The following GRIK2 variants were observed in gnomAD, a reference collection of about 807,000 sequenced individuals.
GRIK2 encodes the protein glutamate ionotropic receptor kainate type subunit 2.
Under a neutral mutation model 100.3 loss-of-function variants are expected in GRIK2, and 32 were observed. The ratio of observed to expected loss-of-function variants is 0.32; its 90% CI spans 0.24 to 0.43. The LOEUF (loss-of-function observed/expected upper bound fraction) is 0.43. Ranked by LOEUF, GRIK2 falls within the 20% of genes least tolerant of loss-of-function variation. The pLI, the probability that GRIK2 is intolerant of heterozygous loss-of-function variation, is 1.00. For synonymous variants in GRIK2, 417 were observed against 389.4 expected (o/e 1.07, Z -0.83); for missense variants, 843 against 1,114.9 (o/e 0.76, Z 3.47).
chr6:101,900,917 T>C (rs891525397), intron 12 of GRIK2, among the ~76,000 whole-genome samples: 4 of 151,830 alleles, frequency 2.6e-5, no homozygotes, highest in African/African-American at 9.7e-5. Context: ...TTTTTTTTTT[T>C]CTTAAAAAAA....
chr6:101,686,321 C>A lies in GRIK2; in HGVS notation c.919C>A (p.Pro307Thr). ...SMERLQAPPK[P>T]DSGLLDGFMT... ...GGAACGATTGCAGGCACCTCCGAAA[C>A]CCGATTCAGGTTTGCTGGATGGATT... is the stretch of plus-strand genomic sequence containing the variant. The change falls in exon 7 of 17, where the codon CCC becomes ACC. Residue 307 changes from proline (P) to threonine (T), a missense_variant. Coordinates refer to ENST00000369134, the MANE Select transcript of GRIK2 (RefSeq NM_021956.5). The A allele has an allele frequency of 1.2e-6, 2 of 1,613,466 alleles. No homozygotes were observed. Among genetic ancestry groups the A allele is most frequent in the South Asian group, 2.2e-5 (2 of 91,062 alleles).
At chr6:102,023,013 G>T (rs1769512045) in intron 14 of GRIK2, among the ~76,000 whole-genome samples, 1 of 151,470 alleles carries the variant, frequency 6.6e-6, no homozygotes, top group Non-Finnish European at 1.5e-5. Context: ...GATGTGAGAA[G>T]TTGTTAGAGT....
chr6:101,673,128 A>C (rs146456188), intron 4 of GRIK2, among the ~76,000 whole-genome samples: 177 of 152,282 alleles, frequency 1.2e-3, no homozygotes, highest in Non-Finnish European at 1.9e-3. Context: ...CAAAGGTCTC[A>C]TTTCCAGAAT....
intron 15 of GRIK2, among the ~76,000 whole-genome samples, chr6:102,036,139 A>C (rs1770255338): frequency 2.0e-5 from 3 of 151,234 alleles, no homozygotes. Flanking sequence ...CAAATGAGAT[A>C]ATGAATTGTA....
chr6:101,911,402 T>G (rs77218929), intron 12 of GRIK2, among the ~76,000 whole-genome samples: 7,956 of 151,588 alleles, frequency 0.052, 280 homozygotes, highest in Admixed American at 0.12. Context: ...TATTTATAGT[T>G]TTATAAAATT....
intron 2 of GRIK2, among the ~76,000 whole-genome samples, chr6:101,528,589 T>C (rs767764010): frequency 7.2e-5 from 11 of 152,116 alleles, no homozygotes; most frequent in Non-Finnish European, 1.2e-4. Context: ...TCCATAAGGA[T>C]GGGAACAAAC....
chr6:101,724,568 A>G (rs9377294), intron 7 of GRIK2, among the ~76,000 whole-genome samples: 39,317 of 151,714 alleles, frequency 0.26, 5,610 homozygotes, highest in East Asian at 0.51. Context: ...TGTACATGTA[A>G]CACATTTTGT....
chr6:101,806,534 C>A (rs2128416548), intron 9 of GRIK2, among the ~76,000 whole-genome samples: 1 of 151,912 alleles, frequency 6.6e-6, no homozygotes, highest in African/African-American at 2.4e-5. Context: ...TTCATAGATT[C>A]TCATTGTGTT....
intron 11 of GRIK2, among the ~76,000 whole-genome samples, chr6:101,888,635 A>G (rs1056577829): frequency 2.6e-5 from 4 of 152,160 alleles, no homozygotes; most frequent in South Asian, 2.1e-4. Context: ...AAAAACACAC[A>G]CAGAGAATAA....
intron 2 of GRIK2, among the ~76,000 whole-genome samples, chr6:101,461,369 T>G (rs1771298929): frequency 6.6e-6 from 1 of 152,202 alleles, no homozygotes; most frequent in Non-Finnish European, 1.5e-5. Flanking sequence ...TGGCATTCTG[T>G]TCATCGTGGT....
At chr6:102,035,774 C>T (rs562716222) in intron 15 of GRIK2, among the ~76,000 whole-genome samples, 47 of 151,482 alleles carry the variant, frequency 3.1e-4, no homozygotes, top group African/African-American at 1.1e-3. Context: ...TAATTTCTAT[C>T]AAAATGGTCA....
chr6:101,437,811 C>T (rs1329736477), intron 2 of GRIK2, among the ~76,000 whole-genome samples: 1 of 152,070 alleles, frequency 6.6e-6, no homozygotes, highest in Non-Finnish European at 1.5e-5. Context: ...AAATGACACA[C>T]AAATCATTCT....
intron 14 of GRIK2, among the ~76,000 whole-genome samples, chr6:102,002,069 G>T (rs1455155346): frequency 6.6e-6 from 1 of 151,136 alleles, no homozygotes; most frequent in Admixed American, 6.6e-5. Flanking sequence ...TCTCCTTCAG[G>T]TTTTGTCTAA....
intron 7 of GRIK2, among the ~76,000 whole-genome samples, chr6:101,774,382 T>TAA (rs1181246171): frequency 2.0e-5 from 3 of 152,192 alleles, no homozygotes; most frequent in African/African-American, 7.2e-5. Context: ...GTGCAAAGAA[T>TAA]ACTTCCCCTT....
At chr6:101,559,081 T>C (rs1485065150) in intron 2 of GRIK2, among the ~76,000 whole-genome samples, 1 of 152,262 alleles carries the variant, frequency 6.6e-6, no homozygotes, top group Admixed American at 6.5e-5. Flanking sequence ...TCTCTTAAAA[T>C]ACTTGCTGTG....
chr6:101,848,234 T>C (rs1458786028), intron 10 of GRIK2, among the ~76,000 whole-genome samples: 1 of 152,186 alleles, frequency 6.6e-6, no homozygotes, highest in South Asian at 2.1e-4. Context: ...CTGTAGTTTT[T>C]CCCTTCACTA....
chr6:101,747,922 A>G (rs531733119), intron 7 of GRIK2, among the ~76,000 whole-genome samples: 1 of 152,288 alleles, frequency 6.6e-6, no homozygotes, highest in South Asian at 2.1e-4. Flanking sequence ...GCCGTGTGCT[A>G]TAGAGGCCAA....
intron 7 of GRIK2, among the ~76,000 whole-genome samples, chr6:101,726,204 C>T (rs1296355878): frequency 6.6e-6 from 1 of 151,760 alleles, no homozygotes; most frequent in Non-Finnish European, 1.5e-5. Flanking sequence ...AAACAGTGTC[C>T]AGAGAAAAGA....
intron 14 of GRIK2, among the ~76,000 whole-genome samples, chr6:102,021,442 C>T (rs1311979327): frequency 5.4e-5 from 8 of 148,296 alleles, no homozygotes; most frequent in Non-Finnish European, 1.0e-4. Flanking sequence ...AAATCATCTA[C>T]ATTATGTTGA....
Sources: allele counts gnomAD v4.1 joint callset (sites outside exome capture counted in the v4.1 genomes callset), GRCh38; gene constraint gnomAD v4.1.1; transcripts MANE v1.5; gene names NCBI Gene and HGNC (gene_info 2026-07-23, HGNC 2026-07-21).